ULK4: variants seen among roughly 807,000 people sequenced by gnomAD.
The protein encoded by ULK4 is inactive serine/threonine-protein kinase ULK4.
ULK4 carries 133 observed loss-of-function variants against 160.6 expected under a neutral mutation model. The observed-to-expected ratio is 0.83, with a 90% confidence interval of 0.72 to 0.96. ULK4 has a LOEUF of 0.96. Ranked by LOEUF, ULK4 falls within the 40% of genes least tolerant of loss-of-function variation. The pLI is 0.00. For missense variants in ULK4, 1,580 were observed against 1,499.5 expected (o/e 1.05, Z -0.89); for synonymous variants, 534 against 539.8 (o/e 0.99, Z 0.15).
chr3:41,389,189 T>G lies in ULK4; in HGVS notation c.3678+8890A>C, dbSNP rs200606718. Among the ~76,000 whole-genome samples, 662 of 151,660 alleles carry G rather than the reference T, an allele frequency of 4.4e-3. 1 individual carries two copies. The highest frequency in any genetic ancestry group is 9.8e-3 in the African/African-American group (405 of 41,170). The stretch of plus-strand genomic sequence containing the variant: ...TGGCTCTCTGTCTGTTATTGGTGTA[T>G]AAGAATGCTTGTGATTTTTGTACAT... On this transcript the variant is annotated intron_variant, in intron 35 of 36. Transcript: ENST00000301831.
At chr3:41,354,799 A>G (rs1204238176) in intron 35 of ULK4, among the ~76,000 whole-genome samples, 1 of 152,246 alleles carries the variant, frequency 6.6e-6, no homozygotes, top group African/African-American at 2.4e-5. Context: ...TGTATTCATT[A>G]CAGACACATG....
At chr3:41,654,815 G>C (rs530521203) in intron 30 of ULK4, among the ~76,000 whole-genome samples, 2 of 152,332 alleles carry the variant, frequency 1.3e-5, no homozygotes, top group African/African-American at 4.8e-5. Context: ...AGATGCTCAA[G>C]AGCTCAGTCC....
rs1197234650 is a variant in ULK4, at chr3:41,348,206, C to CAAAAA, written c.3678+49868_3678+49872dup. The stretch of plus-strand genomic sequence containing the variant: ...CCTAGGCAAAAAAGTAACTCTGTCT[C>CAAAAA]AAAAAAAAAAAAAAAAAAAAAAAAA... On this transcript the variant is annotated intron_variant, in intron 35 of 36. Transcript: ENST00000301831. Among the ~76,000 whole-genome samples the CAAAAA allele has an allele frequency of 2.2e-4, 5 of 22,966 alleles. 2 individuals are homozygous for CAAAAA. Among genetic ancestry groups the CAAAAA allele is most frequent in the African/African-American group, 8.6e-4 (5 of 5,842 alleles). The allele number at this position is 22,966 out of a possible 152,430, so 15.1% of individuals were successfully genotyped here.
At chr3:41,597,943 G>A (rs936593678) in intron 31 of ULK4, among the ~76,000 whole-genome samples, 3 of 152,256 alleles carry the variant, frequency 2.0e-5, no homozygotes, top group Non-Finnish European at 2.9e-5. Flanking sequence ...CTCTTAACAC[G>A]CATTTCCCTA....
At chr3:41,645,043 C>T (rs528726029) in intron 30 of ULK4, among the ~76,000 whole-genome samples, 13 of 151,600 alleles carry the variant, frequency 8.6e-5, no homozygotes, top group African/African-American at 3.1e-4. Context: ...GGTGATATCC[C>T]CTTTATCATT....
chr3:41,771,968 A>G (rs1049227095), intron 21 of ULK4, among the ~76,000 whole-genome samples: 4 of 152,152 alleles, frequency 2.6e-5, no homozygotes, highest in South Asian at 2.1e-4. Flanking sequence ...CCTCTCCCCA[A>G]TCCCACTACC....
At chr3:41,827,807 G>C (rs1218248736) in intron 18 of ULK4, among the ~76,000 whole-genome samples, 7 of 151,972 alleles carry the variant, frequency 4.6e-5, no homozygotes, top group Non-Finnish European at 8.8e-5. Context: ...TATGAGGCCA[G>C]CATCATCCTG....
At chr3:41,642,900 G>A (rs367993373) in intron 30 of ULK4, among the ~76,000 whole-genome samples, 5 of 152,124 alleles carry the variant, frequency 3.3e-5, no homozygotes, top group Non-Finnish European at 7.3e-5. Context: ...GTGTGAGATG[G>A]TATCTCATTG....
intron 32 of ULK4, among the ~76,000 whole-genome samples, chr3:41,544,010 A>T (rs9845439): frequency 0.34 from 51,081 of 152,000 alleles, 8,951 homozygotes; most frequent in African/African-American, 0.41. Context: ...CTGCCTAGTA[A>T]ATCCAACATA....
intron 27 of ULK4, among the ~76,000 whole-genome samples, chr3:41,703,117 G>C (rs1438989922): frequency 6.6e-6 from 1 of 152,122 alleles, no homozygotes; most frequent in African/African-American, 2.4e-5. Context: ...GCCTCCCAAA[G>C]TGCTGGGATT....
intron 21 of ULK4, among the ~76,000 whole-genome samples, chr3:41,788,594 G>T (rs890002815): frequency 6.6e-6 from 1 of 151,980 alleles, no homozygotes; most frequent in African/African-American, 2.4e-5. Flanking sequence ...GGAGGCTGAG[G>T]CAAGAGAACA....
intron 29 of ULK4, among the ~76,000 whole-genome samples, chr3:41,679,619 T>C (rs1285839797): frequency 6.6e-6 from 1 of 152,244 alleles, no homozygotes; most frequent in African/African-American, 2.4e-5. Flanking sequence ...AAAGGAAATA[T>C]TTATTCCAGC....
chr3:41,775,714 T>A (rs866603504), intron 21 of ULK4, among the ~76,000 whole-genome samples: 3 of 150,974 alleles, frequency 2.0e-5, no homozygotes, highest in Admixed American at 2.0e-4. Context: ...CTCCTCTTTT[T>A]TTAAACATTG....
intron 32 of ULK4, among the ~76,000 whole-genome samples, chr3:41,537,461 T>G (rs1227643962): frequency 1.3e-5 from 2 of 152,270 alleles, no homozygotes; most frequent in East Asian, 3.9e-4. Context: ...TTTCAAAGCC[T>G]TTTATTGAGT....
intron 20 of ULK4, among the ~76,000 whole-genome samples, chr3:41,790,582 G>A (rs2040121658): frequency 6.6e-6 from 1 of 152,260 alleles, no homozygotes; most frequent in Non-Finnish European, 1.5e-5. Context: ...AAGGGTAGAT[G>A]GGAAATAGGT....
chr3:41,261,010 A>T (rs1192022055), intron 35 of ULK4, among the ~76,000 whole-genome samples: 1 of 152,202 alleles, frequency 6.6e-6, no homozygotes, highest in Non-Finnish European at 1.5e-5. Flanking sequence ...GGAAGAAAAC[A>T]GCAGATGACC....
intron 35 of ULK4, among the ~76,000 whole-genome samples, chr3:41,351,429 A>AAT (rs781181041): frequency 6.6e-6 from 1 of 152,250 alleles, no homozygotes; most frequent in Non-Finnish European, 1.5e-5. Context: ...ATACACCAGG[A>AAT]ATTTTACAAA....
intron 34 of ULK4, among the ~76,000 whole-genome samples, chr3:41,452,652 G>A (rs1258627464): frequency 2.6e-5 from 4 of 152,108 alleles, no homozygotes; most frequent in Non-Finnish European, 5.9e-5. Context: ...AAACAAAAAT[G>A]CTTTGTGAAG....
intron 25 of ULK4, among the ~76,000 whole-genome samples, chr3:41,708,173 T>TATAC (rs2036970279): frequency 7.5e-6 from 1 of 133,050 alleles, no homozygotes; most frequent in African/African-American, 3.9e-5. Context: ...AATAAATACA[T>TATAC]ATACATATAT....
Sources: allele counts gnomAD v4.1 joint callset (sites outside exome capture counted in the v4.1 genomes callset), GRCh38; gene constraint gnomAD v4.1.1; transcripts MANE v1.5; gene names NCBI Gene and HGNC (gene_info 2026-07-23, HGNC 2026-07-21).